Variants in FAM98B observed in about 807,000 individuals in gnomAD.
The protein encoded by FAM98B is tRNA splicing ligase complex subunit 3B.
Under a neutral mutation model 43.9 loss-of-function variants are expected in FAM98B, and 32 were observed. The ratio of observed to expected loss-of-function variants is 0.73; its 90% CI spans 0.55 to 0.98. The LOEUF (loss-of-function observed/expected upper bound fraction) is 0.98, where lower values mean the gene tolerates loss of function less well. Among genes scored for constraint, FAM98B ranks in the 50% least tolerant of loss-of-function variants. The pLI, the probability that FAM98B is intolerant of heterozygous loss-of-function variation, is 0.00. For missense variants in FAM98B, 514 were observed against 522.9 expected, an observed-to-expected ratio of 0.98 and a Z score of 0.17; for synonymous variants, 190 against 174.0, an observed-to-expected ratio of 1.09 and a Z score of -0.72.
At chr15:38,476,712 T>G (rs1890205962) in intron 6 of FAM98B, among the ~76,000 whole-genome samples, 1 of 151,954 alleles carries the variant, frequency 6.6e-6, no homozygotes, top group African/African-American at 2.4e-5. Flanking sequence ...GCTTTTTTTT[T>G]TTTTTGCTTT....
intron 1 of FAM98B, among the ~76,000 whole-genome samples, chr15:38,457,974 T>A (rs1402574955): frequency 4.7e-5 from 7 of 150,210 alleles, no homozygotes; most frequent in African/African-American, 7.3e-5. Flanking sequence ...TTTTTTTTTT[T>A]AAGAAAGAGA....
chr15:38,462,534 C>T (rs530282935), intron 1 of FAM98B, among the ~76,000 whole-genome samples: 14 of 151,974 alleles, frequency 9.2e-5, no homozygotes, highest in Admixed American at 6.6e-4. Context: ...AGGAATACGT[C>T]GTAAATATAA....
At position 38,481,326 on chromosome 15, in the gene FAM98B, C is replaced by T. The variant is rs1209289440; in HGVS notation, c.764C>T (p.Pro255Leu). 6.2e-7 allele frequency: 1 copy of T among 1,614,054 alleles called. No homozygotes were observed. The highest frequency in any genetic ancestry group is 8.5e-7 in the Non-Finnish European group (1 of 1,180,010). Reference sequence around the variant, plus strand: ...GATGATATAGCAAGAATTTATCAGCCTAAGCGTTATGCTTTGTCACCCAAG... The same window carrying T: ...GATGATATAGCAAGAATTTATCAGCTTAAGCGTTATGCTTTGTCACCCAAG... Reference protein sequence around the residue: ...KTDDIARIYQPKRYALSPKTT... With the variant: ...KTDDIARIYQLKRYALSPKTT... Residue 255 changes from proline to leucine, a missense_variant, in exon 7 of 8, where the codon CCT (proline) becomes CTT (leucine). Pro to Leu is a moderately conservative substitution (Grantham distance 98, BLOSUM62 -3). This residue lies in a region of FAM98B where 469 missense variants were observed against 451.8 expected (regional missense o/e 1.04). Coordinates refer to ENST00000397609, the MANE Select transcript of FAM98B (RefSeq NM_173611.4).
intron 3 of FAM98B, among the ~76,000 whole-genome samples, chr15:38,466,392 G>A (rs1470899381): frequency 1.3e-5 from 2 of 151,978 alleles, no homozygotes; most frequent in African/African-American, 4.8e-5. Flanking sequence ...TAACTCTTAG[G>A]TATATTGGGA....
At chr15:38,474,066 GGTCA>G (rs1326161117) in intron 5 of FAM98B, 112 bp from the exon 6 acceptor site, 5 of 650,374 alleles carry the variant, frequency 7.7e-6, no homozygotes, top group South Asian at 1.9e-5. Context: ...AACAGAAAAT[GGTCA>G]GTAAGTACAT....
At chr15:38,465,570 T>G (rs897911300) in intron 3 of FAM98B, among the ~76,000 whole-genome samples, 167 bp downstream of exon 3, 2 of 152,186 alleles carry the variant, frequency 1.3e-5, no homozygotes, top group Admixed American at 6.5e-5. Flanking sequence ...TAGTATAAAT[T>G]TTACCAGTAT....
Position 38,481,383 on chromosome 15 carries a change from C to T in FAM98B, c.821C>T (p.Ala274Val), listed in dbSNP as rs745740259. 5.0e-6 allele frequency: 8 copies of T among 1,614,056 alleles called. No homozygotes were observed. Among genetic ancestry groups the T allele is most frequent in the Non-Finnish European group, 6.8e-6 (8 of 1,180,036 alleles). ...TTITMAHLLAAREDLSKIIRT... is the reference protein window; with the variant it reads ...TTITMAHLLAVREDLSKIIRT... ...ATTACAATGGCACATCTACTTGCTGCTCGTGAAGATCTATCCAAGATCATT... is the reference window on the plus strand; with the variant it reads ...ATTACAATGGCACATCTACTTGCTGTTCGTGAAGATCTATCCAAGATCATT... Residue 274 changes from alanine (A) to valine (V), a missense_variant, in exon 7 of 8, where the codon GCT (alanine) becomes GTT (valine). Physicochemically the swap from Ala to Val is moderately conservative, Grantham distance 64. Coordinates refer to ENST00000397609, the MANE Select transcript of FAM98B (RefSeq NM_173611.4).
At chr15:38,459,374 C>A in intron 1 of FAM98B, 1 of 418,776 alleles carries the variant, frequency 2.4e-6, no homozygotes, top group South Asian at 1.8e-5. Context: ...TGGATGAGCT[C>A]AGTGGAAGAG....
At chr15:38,477,887 T>C (rs1890227626) in intron 6 of FAM98B, among the ~76,000 whole-genome samples, 2 of 152,294 alleles carry the variant, frequency 1.3e-5, no homozygotes, top group South Asian at 4.2e-4. Flanking sequence ...ATGACATGAT[T>C]GCTTACCTCA....
Position 38,484,709 on chromosome 15 carries a change from A to C in FAM98B, c.*50A>C, listed in dbSNP as rs527662699. ...GCTTGCTTCTTTATAGATACATTAGAAATAGTGTTCCAAATAACATACTTG... is the reference window on the plus strand; with the variant it reads ...GCTTGCTTCTTTATAGATACATTAGCAATAGTGTTCCAAATAACATACTTG... On this transcript the variant is annotated 3_prime_UTR_variant, in exon 8 of 8. Coordinates refer to ENST00000397609, the MANE Select transcript of FAM98B (RefSeq NM_173611.4). 8.1e-6 allele frequency: 12 copies of C among 1,487,874 alleles called. No homozygotes were observed. The African/African-American group carries it at 1.6e-4, about 20-fold the overall frequency. 92.2% of individuals were successfully genotyped at this position (1,487,874 alleles called of 1,614,324 possible). A position where few individuals can be genotyped will look rare whatever the true frequency, so the allele number is the denominator to read the frequency against.
At chr15:38,458,063 C>T (rs1453118770) in intron 1 of FAM98B, among the ~76,000 whole-genome samples, 4 of 151,048 alleles carry the variant, frequency 2.6e-5, no homozygotes, top group Admixed American at 6.6e-5. Flanking sequence ...CCCATAGGTT[C>T]GAGACTATGG....
At chr15:38,459,378 G>A (rs1889909888) in intron 1 of FAM98B, 1 of 412,826 alleles carries the variant, frequency 2.4e-6, no homozygotes, top group Admixed American at 2.7e-5. Context: ...TGAGCTCAGT[G>A]GAAGAGCTTG....
intron 1 of FAM98B, among the ~76,000 whole-genome samples, chr15:38,455,457 T>C (rs1486369273): frequency 2.0e-5 from 3 of 152,228 alleles, no homozygotes; most frequent in African/African-American, 7.2e-5. Context: ...TTTCTTTAGT[T>C]GAACCCTGAT....
Position 38,474,305 on chromosome 15 carries a change from C to T in FAM98B, c.729+7C>T, listed in dbSNP as rs1340482629. ...ATGGTCTGATAGAGCAAAGGTAAGG[C>T]TGTTTTCCCATATGTGTCCTGTAGG... On this transcript the variant is annotated splice_region_variant and intron_variant, in intron 6 of 7. Coordinates refer to ENST00000397609, the MANE Select transcript of FAM98B (RefSeq NM_173611.4). 16 of 1,594,826 alleles carry T rather than the reference C, an allele frequency of 1.0e-5. No homozygotes were observed. Among genetic ancestry groups the T allele is most frequent in the African/African-American group, 8.1e-5 (6 of 74,498 alleles).
chr15:38,474,411 A>G (rs921898496), intron 6 of FAM98B, 113 bp downstream of exon 6: 21 of 639,502 alleles, frequency 3.3e-5, no homozygotes, highest in Non-Finnish European at 5.4e-5. Flanking sequence ...CATCTCAACT[A>G]CATGCCCAGG....
At chr15:38,477,467 C>T (rs951270054) in intron 6 of FAM98B, among the ~76,000 whole-genome samples, 2 of 151,964 alleles carry the variant, frequency 1.3e-5, no homozygotes, top group African/African-American at 4.8e-5. Context: ...GATATATGTA[C>T]CTTTTATAAT....
intron 3 of FAM98B, among the ~76,000 whole-genome samples, chr15:38,467,915 T>C (rs553250060): frequency 3.5e-4 from 54 of 152,358 alleles, no homozygotes; most frequent in African/African-American, 1.3e-3. Context: ...AGCATGTTCT[T>C]GTTTGTATAA....
At position 38,484,471 on chromosome 15, in the gene FAM98B, G is replaced by C. The variant is rs1367374535; in HGVS notation, c.1114G>C (p.Gly372Arg). Reference sequence around the variant, plus strand: ...AGGAGGTTGGGGAGGTGGTGGGGGAGGGGGAGGAGGGTGGGGGGGAGGAGG... The same window carrying C: ...AGGAGGTTGGGGAGGTGGTGGGGGACGGGGAGGAGGGTGGGGGGGAGGAGG... ...GGGGWGGGGGGGGGWGGGGGG... is the reference protein window; with the variant it reads ...GGGGWGGGGGRGGGWGGGGGG... The change falls in exon 8 of 8, where the codon GGG becomes CGG. Residue 372 changes from glycine to arginine, a missense_variant. Gly to Arg is a moderately radical substitution (Grantham distance 125, BLOSUM62 -2). Transcript: ENST00000397609. The C allele has an allele frequency of 1.4e-6, 1 of 706,164 alleles. No homozygotes were observed. Among genetic ancestry groups the C allele is most frequent in the Non-Finnish European group, 1.8e-6 (1 of 548,220 alleles). The allele number at this position is 706,164 out of a possible 1,614,324, so 43.7% of individuals were successfully genotyped here.
At chr15:38,464,595 A>G (rs569896784) in intron 2 of FAM98B, among the ~76,000 whole-genome samples, 6 of 152,248 alleles carry the variant, frequency 3.9e-5, no homozygotes, top group African/African-American at 1.4e-4. Flanking sequence ...ATGGATTCAC[A>G]TAGGAATACT....
Sources: allele counts gnomAD v4.1 joint callset (sites outside exome capture counted in the v4.1 genomes callset), GRCh38; gene constraint gnomAD v4.1.1; regional missense constraint gnomAD v4.1.1; transcripts MANE v1.5; gene names NCBI Gene and HGNC (gene_info 2026-07-23, HGNC 2026-07-21).